FHIT: variants seen among roughly 807,000 people sequenced by gnomAD.
FHIT encodes the protein bis(5'-adenosyl)-triphosphatase.
FHIT carries 19 observed loss-of-function variants against 17.9 expected under a neutral mutation model. The observed-to-expected ratio is 1.06, with a 90% CI of 0.74 to 1.56. The LOEUF (loss-of-function observed/expected upper bound fraction) is 1.56. Among genes scored for constraint, FHIT ranks in the 40% most tolerant of loss-of-function variants. The probability of loss-of-function intolerance (pLI) is 0.00; values close to 1 mark genes in which losing one functional copy is unlikely to be tolerated. For missense variants in FHIT, 248 were observed against 189.2 expected, an observed-to-expected ratio of 1.31 and a Z score of -1.82; for synonymous variants, 81 against 69.7, an observed-to-expected ratio of 1.16 and a Z score of -0.81.
chr3:61,174,124 AGGTACCAACATACAT>A (rs1451659712), intron 2 of FHIT, among the ~76,000 whole-genome samples: 2 of 152,234 alleles, frequency 1.3e-5, no homozygotes, highest in African/African-American at 4.8e-5. Context: ...GGTGTTAGAA[AGGTACCAACATACAT>A]CTTCCCCCTA....
chr3:60,220,773 T>G (rs213407), intron 5 of FHIT, among the ~76,000 whole-genome samples: 87,882 of 151,928 alleles, frequency 0.58, 25,882 homozygotes, highest in East Asian at 0.85. Context: ...CCAGGATGGA[T>G]CACAGACTGA....
rs566168560 is a variant in FHIT, at chr3:61,103,648, G to A, written c.-163-61549C>T. 5.9e-5 allele frequency among the ~76,000 whole-genome samples: 9 copies of A among 152,294 alleles called. No individual in the cohort carries two copies. The South Asian group carries it at 1.4e-3, about 25-fold the overall frequency. On this transcript the variant is annotated intron_variant, in intron 2 of 9. Transcript: ENST00000492590. ...CTCATTGATCTGTCTAATATTGACAGTGGGGTGTTAAAGTCTCCCAGTCTT... is the reference window on the plus strand; with the variant it reads ...CTCATTGATCTGTCTAATATTGACAATGGGGTGTTAAAGTCTCCCAGTCTT...
At chr3:60,548,774 T>A (rs1049968705) in intron 4 of FHIT, among the ~76,000 whole-genome samples, 1 of 152,152 alleles carries the variant, frequency 6.6e-6, no homozygotes, top group African/African-American at 2.4e-5. Flanking sequence ...GAAAAGCACA[T>A]CTCAGAGCAC....
intron 5 of FHIT, among the ~76,000 whole-genome samples, chr3:60,515,451 T>C (rs1368558488): frequency 6.8e-6 from 1 of 147,556 alleles, no homozygotes; most frequent in Non-Finnish European, 1.5e-5. Context: ...TACAAGAAGA[T>C]AAATGCATTT....
chr3:60,564,838 T>G (rs537529344), intron 4 of FHIT, among the ~76,000 whole-genome samples: 1 of 152,292 alleles, frequency 6.6e-6, no homozygotes, highest in Non-Finnish European at 1.5e-5. Flanking sequence ...ATTTGGACCA[T>G]TATACCAACT....
At chr3:60,749,803 A>T (rs1325924178) in intron 4 of FHIT, among the ~76,000 whole-genome samples, 2 of 152,218 alleles carry the variant, frequency 1.3e-5, no homozygotes, top group African/African-American at 4.8e-5. Flanking sequence ...ATGTGGGTAT[A>T]TCTCCAAGGA....
intron 8 of FHIT, among the ~76,000 whole-genome samples, chr3:59,882,747 A>T (rs1183700140): frequency 6.6e-6 from 1 of 152,324 alleles, no homozygotes; most frequent in East Asian, 1.9e-4. Flanking sequence ...AAAACATATG[A>T]CACCTAACAC....
intron 5 of FHIT, among the ~76,000 whole-genome samples, chr3:60,426,325 C>T (rs911706625): frequency 7.9e-5 from 12 of 152,106 alleles, no homozygotes; most frequent in South Asian, 2.1e-4. Flanking sequence ...GAAAGATCTC[C>T]ATTGCTCTAA....
chr3:60,779,218 G>A (rs1421635136), intron 4 of FHIT, among the ~76,000 whole-genome samples: 1 of 152,156 alleles, frequency 6.6e-6, no homozygotes, highest in Admixed American at 6.5e-5. Flanking sequence ...AATGAGGACT[G>A]GAGAGACAGA....
chr3:60,930,750 C>A (rs1484464106), intron 3 of FHIT, among the ~76,000 whole-genome samples: 1 of 152,126 alleles, frequency 6.6e-6, no homozygotes, highest in Non-Finnish European at 1.5e-5. Flanking sequence ...AATAGGAACA[C>A]TTTTACACTG....
At chr3:61,063,357 A>G (rs2106706891) in intron 2 of FHIT, among the ~76,000 whole-genome samples, 1 of 152,252 alleles carries the variant, frequency 6.6e-6, no homozygotes, top group African/African-American at 2.4e-5. Context: ...TGTGAATACA[A>G]GGCCACAAGT....
chr3:60,976,389 G>A (rs534399113), intron 3 of FHIT, among the ~76,000 whole-genome samples: 6 of 152,028 alleles, frequency 3.9e-5, no homozygotes, highest in South Asian at 4.2e-4. Context: ...TTCCAGGCGT[G>A]AGCCACCACA....
chr3:60,700,499 C>G (rs180840169), intron 4 of FHIT, among the ~76,000 whole-genome samples: 97 of 152,190 alleles, frequency 6.4e-4, no homozygotes, highest in African/African-American at 2.1e-3. Context: ...ATTCAACAAT[C>G]TCACTATTCA....
intron 8 of FHIT, among the ~76,000 whole-genome samples, chr3:59,798,066 C>T (rs1035431595): frequency 6.6e-6 from 1 of 152,128 alleles, no homozygotes; most frequent in Non-Finnish European, 1.5e-5. Flanking sequence ...CTCTTCAACA[C>T]CATGGCTCCA....
chr3:61,005,853 T>C (rs754139772), intron 3 of FHIT, among the ~76,000 whole-genome samples: 9 of 152,244 alleles, frequency 5.9e-5, no homozygotes, highest in South Asian at 2.1e-4. Context: ...AGTTCCAACA[T>C]GGCTGGGCTC....
chr3:60,370,561 C>T lies in FHIT; in HGVS notation c.103+166299G>A, dbSNP rs191839569. On this transcript the variant is annotated intron_variant, in intron 5 of 9. Coordinates refer to ENST00000492590, the MANE Select transcript of FHIT (RefSeq NM_002012.4). ...TCTCTTGTTCCCGCAAAAATCTGTACCTCTTCCTGAATCTGCATTCTGGCT... is the reference window on the plus strand; with the variant it reads ...TCTCTTGTTCCCGCAAAAATCTGTATCTCTTCCTGAATCTGCATTCTGGCT... 3.0e-3 allele frequency among the ~76,000 whole-genome samples: 460 copies of T among 152,266 alleles called. 1 individual carries two copies. Among genetic ancestry groups the T allele is most frequent in the Middle Eastern group, 0.027 (8 of 294 alleles).
intron 4 of FHIT, among the ~76,000 whole-genome samples, chr3:60,602,336 A>G (rs2038470268): frequency 6.6e-6 from 1 of 152,202 alleles, no homozygotes. Context: ...CACACTTTCT[A>G]CAGCAACAGC....
At chr3:60,768,485 T>TACAG (rs1315249414) in intron 4 of FHIT, among the ~76,000 whole-genome samples, 1 of 152,196 alleles carries the variant, frequency 6.6e-6, no homozygotes, top group East Asian at 1.9e-4. Flanking sequence ...GGTGGCCAAA[T>TACAG]ACAGAGGTTT....
chr3:60,961,091 C>G (rs1216052394), intron 3 of FHIT, among the ~76,000 whole-genome samples: 2 of 152,166 alleles, frequency 1.3e-5, no homozygotes, highest in Non-Finnish European at 2.9e-5. Flanking sequence ...CTCTCCAGCA[C>G]CTGTTGTTTC....
Sources: allele counts gnomAD v4.1 joint callset (sites outside exome capture counted in the v4.1 genomes callset), GRCh38; gene constraint gnomAD v4.1.1; transcripts MANE v1.5; gene names NCBI Gene and HGNC (gene_info 2026-07-23, HGNC 2026-07-21).